GGTA1: variants seen among roughly 807,000 people sequenced by gnomAD.
The protein encoded by GGTA1 is glycoprotein alpha-galactosyltransferase 1 (inactive), also known as inactive N-acetyllactosaminide alpha-1,3-galactosyltransferase.
A neutral mutation model predicts 2.6 loss-of-function variants in GGTA1; 5 were observed. That is an observed-to-expected ratio of 1.92 (90% CI 1.00 to 4.04). GGTA1 has a LOEUF of 4.04. GGTA1 is among the 30% of genes most tolerant of loss of function. The pLI, the probability that GGTA1 is intolerant of heterozygous loss-of-function variation, is 0.00. For missense variants in GGTA1, 50 were observed against 16.7 expected, an observed-to-expected ratio of 2.99 and a Z score of -3.47; for synonymous variants, 17 against 5.0, an observed-to-expected ratio of 3.38 and a Z score of -3.19.
chr9:121,459,995 C>T (rs2064946364), intron 5 of GGTA1, 109 bp downstream of exon 5: 4 of 398,686 alleles, frequency 1.0e-5, no homozygotes, highest in Middle Eastern at 3.6e-4. Flanking sequence ...TGCTAAGGCT[C>T]TTTCTCCTAA....
At chr9:121,471,111 C>T (rs375567305) in intron 1 of GGTA1, among the ~76,000 whole-genome samples, 19 of 152,276 alleles carry the variant, frequency 1.2e-4, no homozygotes, top group Admixed American at 3.3e-4. Context: ...AGAAGAAACC[C>T]GGGAGGGAGG....
At chr9:121,487,712 G>T (rs993893806) in intron 1 of GGTA1, among the ~76,000 whole-genome samples, 3 of 152,076 alleles carry the variant, frequency 2.0e-5, no homozygotes, top group Admixed American at 6.6e-5. Flanking sequence ...TCTTTACAAG[G>T]TATAGACTTT....
At chr9:121,484,228 T>A (rs577784404) in intron 1 of GGTA1, among the ~76,000 whole-genome samples, 11 of 152,168 alleles carry the variant, frequency 7.2e-5, no homozygotes, top group Non-Finnish European at 1.6e-4. Flanking sequence ...ATAGTAAATT[T>A]CATGTTATGT....
intron 1 of GGTA1, among the ~76,000 whole-genome samples, chr9:121,496,757 A>AAAAAAAAAGAG (rs1554838784): frequency 6.3e-5 from 7 of 111,926 alleles, no homozygotes; most frequent in South Asian, 2.6e-4. Context: ...AAAAAAAAAA[A>AAAAAAAAAGAG]AGAGAGAGAG....
rs1220365136 is a variant in GGTA1 at position 121,476,537 on chromosome 9, T to A, written c.-9-8606A>T. On this transcript the variant is annotated intron_variant, in intron 1 of 5. Coordinates refer to ENST00000481799, the MANE Select transcript of GGTA1 (RefSeq NM_001382585.1). This position sits in a 1 kb window ranked among gnomAD's most constrained non-coding sequence, Gnocchi z 4.6. ...GCATGAGAAATCAGCCTCAGGGATG[T>A]AAACCTCATTTTTTGAGGGCAGTTC... 6.6e-6 allele frequency among the ~76,000 whole-genome samples: 1 copy of A among 152,170 alleles called. No individual in the cohort carries two copies. Among genetic ancestry groups the A allele is most frequent in the Non-Finnish European group, 1.5e-5 (1 of 68,018 alleles).
At chr9:121,463,009 A>G (rs2064973164) in intron 3 of GGTA1, 1 of 211,316 alleles carries the variant, frequency 4.7e-6, no homozygotes, top group Admixed American at 6.3e-5. Flanking sequence ...AATAGACAAT[A>G]TCTCCCCGGA....
At chr9:121,497,862 G>C (rs1284181562) in intron 1 of GGTA1, among the ~76,000 whole-genome samples, 2 of 152,192 alleles carry the variant, frequency 1.3e-5, no homozygotes, top group African/African-American at 2.4e-5. Flanking sequence ...CCTGGAGTTG[G>C]AGTGTAGGAG....
chr9:121,454,007 C>T (rs2064892505), downstream of GGTA1, among the ~76,000 whole-genome samples: 1 of 152,184 alleles, frequency 6.6e-6, no homozygotes, highest in Non-Finnish European at 1.5e-5. Context: ...CCAGATTCCA[C>T]CACAGCTGGA....
chr9:121,457,443 G>A (rs1441571115), intron 5 of GGTA1, among the ~76,000 whole-genome samples: 2 of 152,182 alleles, frequency 1.3e-5, no homozygotes, highest in Admixed American at 1.3e-4. Flanking sequence ...GCTCACGCCC[G>A]TAATCCCAGC....
At chr9:121,493,943 G>A (rs1828932405) in intron 1 of GGTA1, among the ~76,000 whole-genome samples, 1 of 151,796 alleles carries the variant, frequency 6.6e-6, no homozygotes, top group East Asian at 1.9e-4. Flanking sequence ...TTTCAGTAGA[G>A]ACGGGGTTTT....
intron 3 of GGTA1, 25 bp downstream of exon 3, chr9:121,463,268 G>A (rs1227892415): frequency 4.4e-6 from 2 of 452,242 alleles, no homozygotes; most frequent in African/African-American, 4.0e-5. Context: ...ACATCCCCTA[G>A]AAATCTAGAA....
At position 121,488,014 on chromosome 9, in the gene GGTA1, C is replaced by G. The variant is rs142499786; in HGVS notation, c.-10+11636G>C. 2.2e-3 allele frequency among the ~76,000 whole-genome samples: 330 copies of G among 152,266 alleles called. 3 individuals are homozygous for G. In the South Asian group the frequency reaches 0.037, roughly 17 times the overall value. On this transcript the variant is annotated intron_variant, in intron 1 of 5. Transcript: ENST00000481799. ...TACAGGTGTGAGCCACCGCGCCAGG[C>G]CTACCAGGTATAGACTTTTTATAGC... is the stretch of plus-strand genomic sequence containing the variant.
At chr9:121,486,950 C>A (rs987649489) in intron 1 of GGTA1, among the ~76,000 whole-genome samples, 3 of 152,144 alleles carry the variant, frequency 2.0e-5, no homozygotes, top group Non-Finnish European at 2.9e-5. Flanking sequence ...CTCTTCGGAC[C>A]AGGTCCACAC....
chr9:121,454,813 G>A (rs1227510741), downstream of GGTA1, among the ~76,000 whole-genome samples: 1 of 152,132 alleles, frequency 6.6e-6, no homozygotes. Flanking sequence ...AGGAGTTCAA[G>A]ACCAGCCTAG....
chr9:121,498,908 T>TA (rs1829046267), intron 1 of GGTA1, among the ~76,000 whole-genome samples: 2 of 148,256 alleles, frequency 1.3e-5, no homozygotes, highest in East Asian at 1.9e-4. Flanking sequence ...TTTTTTTTTT[T>TA]ACTTTCTTCA....
At chr9:121,457,756 TC>T (rs1480190896) in intron 5 of GGTA1, among the ~76,000 whole-genome samples, 6 of 148,502 alleles carry the variant, frequency 4.0e-5, no homozygotes, top group Non-Finnish European at 7.4e-5. Context: ...TGGACTTAGC[TC>T]CCATAAACTC....
At chr9:121,473,806 A>T (rs1479836343) in intron 1 of GGTA1, among the ~76,000 whole-genome samples, 1 of 151,586 alleles carries the variant, frequency 6.6e-6, no homozygotes, top group Non-Finnish European at 1.5e-5. Context: ...AGTCCCAGCT[A>T]TTGGGGAAGC....
intron 1 of GGTA1, among the ~76,000 whole-genome samples, chr9:121,479,758 C>G (rs1828598136): frequency 6.6e-6 from 1 of 152,172 alleles, no homozygotes; most frequent in South Asian, 2.1e-4. Flanking sequence ...TCTTGAGAGT[C>G]CTCAAGACTG....
At chr9:121,493,414 C>T (rs796337958) in intron 1 of GGTA1, among the ~76,000 whole-genome samples, 24 of 152,124 alleles carry the variant, frequency 1.6e-4, no homozygotes, top group African/African-American at 5.8e-4. Flanking sequence ...AGGTTTTTCG[C>T]CCAAGACATT....
Sources: gnomAD v4.1 joint callset for allele counts (sites outside exome capture counted in the v4.1 genomes callset) on GRCh38, gnomAD v4.1.1 for gene constraint, Gnocchi (gnomAD v3.1) non-coding constraint, MANE v1.5 for transcripts, NCBI Gene and HGNC (gene_info 2026-07-23, HGNC 2026-07-21) for gene names.